The following ROBO1 variants were observed in gnomAD, a reference collection of about 807,000 sequenced individuals.
The protein encoded by ROBO1 is roundabout homolog 1.
Under a neutral mutation model 195.9 loss-of-function variants are expected in ROBO1, and 149 were observed. The ratio of observed to expected loss-of-function variants is 0.76; its 90% CI spans 0.67 to 0.87. The LOEUF is 0.87. Among genes scored for constraint, ROBO1 ranks in the 40% least tolerant of loss-of-function variants. The probability of loss-of-function intolerance (pLI) is 0.00; values close to 1 mark genes in which losing one functional copy is unlikely to be tolerated. For missense variants in ROBO1, 1,933 were observed against 2,068.3 expected, an observed-to-expected ratio of 0.93 and a Z score of 1.27; for synonymous variants, 816 against 733.2, an observed-to-expected ratio of 1.11 and a Z score of -1.82.
intron 2 of ROBO1, among the ~76,000 whole-genome samples, chr3:79,165,510 C>G (rs1228894925): frequency 6.6e-6 from 1 of 152,188 alleles, no homozygotes; most frequent in Non-Finnish European, 1.5e-5. Flanking sequence ...TGGAAAAAAG[C>G]TGATTCGAAG....
rs556361283 is a variant in ROBO1 at position 78,625,379 on chromosome 3, T to C, written c.3875+1942A>G. ...TCCTCAGCCATCTTATTTTAAAACA[T>C]TGGTCAAATAAATAATGGTTGAAAA... On this transcript the variant is annotated intron_variant, in intron 26 of 30. Coordinates refer to ENST00000464233, the MANE Select transcript of ROBO1 (RefSeq NM_002941.4). Among the ~76,000 whole-genome samples, 12 of 152,324 alleles carry C rather than the reference T, an allele frequency of 7.9e-5. No individual in the cohort carries two copies. In the South Asian group the frequency reaches 2.3e-3, roughly 29 times the overall value.
intron 2 of ROBO1, among the ~76,000 whole-genome samples, chr3:79,206,234 G>A (rs1317962728): frequency 6.6e-6 from 1 of 152,068 alleles, no homozygotes; most frequent in African/African-American, 2.4e-5. Context: ...CAGATTGACT[G>A]TCATGGGATT....
At position 79,323,503 on chromosome 3, in the gene ROBO1, ACTAT is replaced by A. The variant is rs573878101; in HGVS notation, c.89-197968_89-197965del. Among the ~76,000 whole-genome samples, 598 of 152,264 alleles carry A rather than the reference ACTAT, an allele frequency of 3.9e-3. 5 individuals are homozygous for A. Among genetic ancestry groups the A allele is most frequent in the African/African-American group, 0.013 (538 of 41,550 alleles). On this transcript the variant is annotated intron_variant, in intron 2 of 30. Transcript: ENST00000464233. ...TATTAAGCATTCATTTGCACAGAAA[ACTAT>A]CTATGCATGCGTGTGTTCATGCATG...
At chr3:78,953,812 G>A (rs1364528747) in intron 3 of ROBO1, among the ~76,000 whole-genome samples, 2 of 145,610 alleles carry the variant, frequency 1.4e-5, no homozygotes, top group South Asian at 2.1e-4. Flanking sequence ...GTAAAATGAG[G>A]CTAAAATACC....
intron 2 of ROBO1, among the ~76,000 whole-genome samples, chr3:79,328,331 A>G (rs2034300789): frequency 6.6e-6 from 1 of 152,172 alleles, no homozygotes; most frequent in African/African-American, 2.4e-5. Context: ...TATGAAGAGG[A>G]CAGTTGGAAG....
intron 2 of ROBO1, among the ~76,000 whole-genome samples, chr3:79,225,620 T>C (rs934043550): frequency 3.3e-5 from 5 of 152,200 alleles, no homozygotes; most frequent in Non-Finnish European, 7.3e-5. Context: ...TCTAGTACCA[T>C]GTGTATTTCA....
chr3:79,292,113 T>C (rs1448240995), intron 2 of ROBO1, among the ~76,000 whole-genome samples: 1 of 152,218 alleles, frequency 6.6e-6, no homozygotes, highest in African/African-American at 2.4e-5. Flanking sequence ...GTTGTATTCC[T>C]AGGTATTTTA....
chr3:79,238,701 C>T (rs1017957271), intron 2 of ROBO1, among the ~76,000 whole-genome samples: 3 of 152,150 alleles, frequency 2.0e-5, no homozygotes, highest in Non-Finnish European at 4.4e-5. Flanking sequence ...ATGGCCAAGG[C>T]AAAAACCTAG....
intron 4 of ROBO1, among the ~76,000 whole-genome samples, chr3:78,778,295 C>T (rs2083566642): frequency 6.6e-6 from 1 of 152,064 alleles, no homozygotes; most frequent in Admixed American, 6.6e-5. Flanking sequence ...CTGAAATTTT[C>T]TTTTTTTGTT....
At chr3:78,792,288 G>T (rs1028200291) in intron 4 of ROBO1, among the ~76,000 whole-genome samples, 2 of 152,180 alleles carry the variant, frequency 1.3e-5, no homozygotes, top group Non-Finnish European at 2.9e-5. Context: ...CAGCACAATA[G>T]CTTTGTAGAC....
intron 3 of ROBO1, among the ~76,000 whole-genome samples, chr3:78,974,283 G>T (rs1334060696): frequency 1.3e-5 from 2 of 151,782 alleles, no homozygotes; most frequent in Admixed American, 1.3e-4. Flanking sequence ...GAGGGAGAGA[G>T]AACGAAAGGG....
intron 2 of ROBO1, among the ~76,000 whole-genome samples, chr3:79,171,892 T>C (rs2081173883): frequency 6.6e-6 from 1 of 152,134 alleles, no homozygotes; most frequent in Non-Finnish European, 1.5e-5. Context: ...TTCATATCAG[T>C]ATTATACTAA....
chr3:79,688,709 A>G (rs968867126), intron 1 of ROBO1, among the ~76,000 whole-genome samples: 2 of 152,102 alleles, frequency 1.3e-5, no homozygotes, highest in Admixed American at 6.6e-5. Context: ...ATTTAATTCA[A>G]ATCAAAACTA....
At chr3:78,754,623 CA>C in intron 4 of ROBO1, among the ~76,000 whole-genome samples, 1 of 152,214 alleles carries the variant, frequency 6.6e-6, no homozygotes, top group East Asian at 1.9e-4. Flanking sequence ...CTACACTTTC[CA>C]ATATGCTAAG....
chr3:79,185,204 C>A (rs1455650221), intron 2 of ROBO1, among the ~76,000 whole-genome samples: 1 of 152,094 alleles, frequency 6.6e-6, no homozygotes, highest in Non-Finnish European at 1.5e-5. Context: ...AGGGAAAGAT[C>A]TTTTTGGTGC....
chr3:78,856,059 T>C (rs551888626), intron 4 of ROBO1, among the ~76,000 whole-genome samples: 1 of 152,026 alleles, frequency 6.6e-6, no homozygotes, highest in Admixed American at 6.6e-5. Flanking sequence ...TCCTTTTTCT[T>C]TTTTTTCAAG....
intron 2 of ROBO1, among the ~76,000 whole-genome samples, chr3:79,188,570 G>A (rs990819824): frequency 2.0e-5 from 3 of 151,288 alleles, no homozygotes; most frequent in South Asian, 2.1e-4. Flanking sequence ...ACACATATAC[G>A]TCGTCTTTCT....
At chr3:79,165,444 C>G (rs1476383798) in intron 2 of ROBO1, among the ~76,000 whole-genome samples, 1 of 152,176 alleles carries the variant, frequency 6.6e-6, no homozygotes, top group Non-Finnish European at 1.5e-5. Context: ...AACTCAGTAT[C>G]CCCTCCAAGA....
intron 2 of ROBO1, among the ~76,000 whole-genome samples, chr3:79,329,742 G>A (rs1025762974): frequency 1.3e-5 from 2 of 152,140 alleles, no homozygotes; most frequent in African/African-American, 4.8e-5. Flanking sequence ...TGTTAAGTGA[G>A]ATAGAATAAT....
Sources: allele counts gnomAD v4.1 joint callset (sites outside exome capture counted in the v4.1 genomes callset), GRCh38; gene constraint gnomAD v4.1.1; transcripts MANE v1.5; gene names NCBI Gene and HGNC (gene_info 2026-07-23, HGNC 2026-07-21).